The following FHIP1A variants were observed in gnomAD, a reference collection of about 807,000 sequenced individuals.
FHIP1A encodes the protein FHF complex subunit HOOK-interacting protein 1A.
A neutral mutation model predicts 88.6 loss-of-function variants in FHIP1A; 61 were observed. That is an observed-to-expected ratio of 0.69 (90% CI 0.56 to 0.85). FHIP1A has a LOEUF of 0.85. FHIP1A is among the 40% of genes least tolerant of loss of function. The pLI is 0.00. For synonymous variants in FHIP1A, 478 were observed against 496.0 expected, an observed-to-expected ratio of 0.96 and a Z score of 0.48; for missense variants, 1,154 against 1,273.5, an observed-to-expected ratio of 0.91 and a Z score of 1.43.
rs570334211 is a variant in FHIP1A, at chr4:151,577,483, A to G, written c.139A>G (p.Lys47Glu). ...VKILEKHDPLKNTQAKYGSIP... is the reference protein window; with the variant it reads ...VKILEKHDPLENTQAKYGSIP... The stretch of plus-strand genomic sequence containing the variant: ...AATCTTGGAGAAGCACGACCCCTTG[A>G]AGAACACCCAGGCAAAATATGGGTC... The change falls in exon 5 of 14, where the codon AAG (lysine) becomes GAG (glutamate). Residue 47 changes from lysine (K) to glutamate (E), a missense_variant. Transcript: ENST00000435205. The G allele has an allele frequency of 1.4e-4, 220 of 1,545,630 alleles. 5 individuals carry two copies. In the South Asian group the frequency reaches 2.2e-3, roughly 15 times the overall value.
chr4:151,575,690 A>G (rs553899905), intron 4 of FHIP1A, among the ~76,000 whole-genome samples: 73 of 152,172 alleles, frequency 4.8e-4, no homozygotes, highest in Non-Finnish European at 9.3e-4. Flanking sequence ...AAGTCAATAG[A>G]GATTATACTT....
intron 1 of FHIP1A, among the ~76,000 whole-genome samples, chr4:151,409,863 G>A (rs930493357): frequency 6.6e-6 from 1 of 152,188 alleles, no homozygotes; most frequent in Non-Finnish European, 1.5e-5. Flanking sequence ...GGTTTCCCCT[G>A]TAAATCAACT....
intron 3 of FHIP1A, among the ~76,000 whole-genome samples, chr4:151,557,411 T>C (rs1341801615): frequency 6.6e-6 from 1 of 152,234 alleles, no homozygotes; most frequent in Non-Finnish European, 1.5e-5. Context: ...TTTTCTTTTC[T>C]TGCTTTTGCT....
chr4:151,579,434 C>T (rs775872600), intron 5 of FHIP1A, among the ~76,000 whole-genome samples: 3 of 152,084 alleles, frequency 2.0e-5, no homozygotes, highest in African/African-American at 4.8e-5. Flanking sequence ...CTCTTCAAAA[C>T]GGCAGTTTTG....
At chr4:151,512,699 T>G (rs1161832854) in intron 3 of FHIP1A, among the ~76,000 whole-genome samples, 2 of 151,962 alleles carry the variant, frequency 1.3e-5, no homozygotes, top group Non-Finnish European at 2.9e-5. Context: ...AGAAAGGGTA[T>G]CAGTGATGGA....
chr4:151,511,146 CTG>C (rs892285757), intron 3 of FHIP1A, among the ~76,000 whole-genome samples: 1 of 152,188 alleles, frequency 6.6e-6, no homozygotes, highest in African/African-American at 2.4e-5. Context: ...TCTTTGGAAA[CTG>C]TGAAATAATA....
intron 3 of FHIP1A, among the ~76,000 whole-genome samples, chr4:151,492,607 AG>A (rs942498329): frequency 7.3e-5 from 11 of 151,620 alleles, no homozygotes; most frequent in Non-Finnish European, 1.5e-4. Context: ...AAAAAAAAAA[AG>A]AAAATTGCAA....
At chr4:151,646,288 G>T (rs147041877) in intron 9 of FHIP1A, among the ~76,000 whole-genome samples, 3 of 152,200 alleles carry the variant, frequency 2.0e-5, no homozygotes, top group Non-Finnish European at 2.9e-5. Context: ...GGGCACAAAG[G>T]CATGGAGTTT....
chr4:151,516,732 C>G (rs1560742769), intron 3 of FHIP1A, among the ~76,000 whole-genome samples: 1 of 152,086 alleles, frequency 6.6e-6, no homozygotes, highest in African/African-American at 2.4e-5. Context: ...CAGAGAAATG[C>G]AAATCAAAAC....
rs200467402 is a variant in FHIP1A, at chr4:151,438,605, C to CTT, written c.-355-16080_-355-16079dup. Among the ~76,000 whole-genome samples, 61 of 132,454 alleles carry CTT rather than the reference C, an allele frequency of 4.6e-4. 1 individual carries two copies. The highest frequency in any genetic ancestry group is 9.9e-4 in the African/African-American group (35 of 35,360). 86.9% of individuals were successfully genotyped at this position (132,454 alleles called of 152,430 possible). A position where few individuals can be genotyped will look rare whatever the true frequency, so the allele number is the denominator to read the frequency against. On this transcript the variant is annotated intron_variant, in intron 1 of 13. Transcript: ENST00000435205. ...GTGCAAAAGTAATTGCGGTTTTTGC[C>CTT]TTTTTTTTTTTTTTTTTAAAGGCAA...
intron 1 of FHIP1A, among the ~76,000 whole-genome samples, chr4:151,445,057 A>G (rs1018298804): frequency 1.3e-5 from 2 of 152,138 alleles, no homozygotes; most frequent in African/African-American, 4.8e-5. Context: ...GGGGGTCCCC[A>G]GGTTTCCTAC....
intron 7 of FHIP1A, among the ~76,000 whole-genome samples, chr4:151,608,785 C>A (rs1735180850): frequency 6.6e-6 from 1 of 152,184 alleles, no homozygotes; most frequent in African/African-American, 2.4e-5. Context: ...CAGATGATGT[C>A]AGATAAAAGC....
chr4:151,417,014 G>A lies in FHIP1A; in HGVS notation c.-356+7549G>A, dbSNP rs138939462. On this transcript the variant is annotated intron_variant, in intron 1 of 13. Transcript: ENST00000435205. ...TGCTCAGGCTGGTCTTAAACTCCCC[G>A]GCCCAAGAGATTCCCCTGTCTTGGC... Among the ~76,000 whole-genome samples the A allele has an allele frequency of 4.6e-5, 7 of 152,124 alleles. No individual in the cohort carries two copies. The East Asian group carries it at 1.2e-3, about 25-fold the overall frequency.
At chr4:151,608,879 A>G (rs928314018) in intron 7 of FHIP1A, among the ~76,000 whole-genome samples, 11 of 152,188 alleles carry the variant, frequency 7.2e-5, no homozygotes, top group African/African-American at 1.2e-4. Flanking sequence ...CTTAAGACTT[A>G]GTAGTAGTAT....
chr4:151,449,068 A>G (rs1728705697), intron 1 of FHIP1A, among the ~76,000 whole-genome samples: 1 of 152,090 alleles, frequency 6.6e-6, no homozygotes, highest in African/African-American at 2.4e-5. Context: ...TACCTTTTCA[A>G]CTAGACTGTA....
At position 151,656,254 on chromosome 4, in the gene FHIP1A, G is replaced by T; in HGVS notation, c.2574G>T (p.Leu858=). 6.4e-6 allele frequency: 10 copies of T among 1,551,668 alleles called. No individual in the cohort carries two copies. Among genetic ancestry groups the T allele is most frequent in the Non-Finnish European group, 7.8e-6 (9 of 1,146,980 alleles). The change falls in exon 12 of 14, where the codon CTG becomes CTT. Residue 858 remains leucine, a synonymous_variant. Coordinates refer to ENST00000435205, the MANE Select transcript of FHIP1A (RefSeq NM_001109977.3). This position sits in a 1 kb window ranked among gnomAD's most constrained non-coding sequence, Gnocchi z 4.2. ...PFTGPFISVV[L]SKLENMLENS... ...CAGGCCCATTCATCAGCGTAGTCCT[G>T]TCAAAGCTGGAGAACATGCTGGAGA...
rs752591226 is a variant in FHIP1A, at chr4:151,646,731, G to A, written c.1400G>A (p.Cys467Tyr). 1 of 1,550,240 alleles carries A rather than the reference G, an allele frequency of 6.5e-7. No homozygotes were observed. The highest frequency in any genetic ancestry group is 8.7e-7 in the Non-Finnish European group (1 of 1,146,352). ...AGGGATTATATTCTCTGGTCAAAGT[G>A]TATGCATGACACTTCAGGTAGGAAC... The part of the protein sequence containing the change: ...QERDYILWSK[C>Y]MHDTSGPVER... The change falls in exon 10 of 14, where the codon TGT (cysteine) becomes TAT (tyrosine). Residue 467 changes from cysteine (C) to tyrosine (Y), a missense_variant. By Grantham distance (194) the Cys-to-Tyr change is radical. Transcript: ENST00000435205.
chr4:151,565,105 A>C (rs1302963134), intron 3 of FHIP1A, among the ~76,000 whole-genome samples: 4 of 145,942 alleles, frequency 2.7e-5, no homozygotes, highest in Non-Finnish European at 6.2e-5. Flanking sequence ...CAAGTCTACA[A>C]ACTTTTATTA....
intron 7 of FHIP1A, among the ~76,000 whole-genome samples, chr4:151,593,993 G>A (rs1163521379): frequency 6.6e-6 from 1 of 152,138 alleles, no homozygotes; most frequent in African/African-American, 2.4e-5. Flanking sequence ...TTTATTGAAG[G>A]CCTTTTCTGC....
Sources: gnomAD v4.1 joint callset for allele counts (sites outside exome capture counted in the v4.1 genomes callset) on GRCh38, gnomAD v4.1.1 for gene constraint, Gnocchi (gnomAD v3.1) non-coding constraint, MANE v1.5 for transcripts, NCBI Gene and HGNC (gene_info 2026-07-23, HGNC 2026-07-21) for gene names.